Variants in AKAP6 observed in about 807,000 individuals in gnomAD.
AKAP6 encodes the protein A-kinase anchoring protein 6, also known as A-kinase anchor protein 6.
AKAP6 carries 58 observed loss-of-function variants against 188.5 expected under a neutral mutation model. The observed-to-expected ratio is 0.31, with a 90% CI of 0.25 to 0.38. The LOEUF (loss-of-function observed/expected upper bound fraction) is 0.38. AKAP6 is among the 10% of genes least tolerant of loss of function. The pLI is 1.00. For missense variants in AKAP6, 2,710 were observed against 2,740.0 expected (o/e 0.99, Z 0.24); for synonymous variants, 989 against 998.6 (o/e 0.99, Z 0.18).
In AKAP6 at chr14:32,568,653, G is replaced by A. The variant is rs566784273; in HGVS notation, c.2347-8467G>A. Among the ~76,000 whole-genome samples, 1 of 152,270 alleles carries A rather than the reference G, an allele frequency of 6.6e-6. No individual in the cohort carries two copies. Among genetic ancestry groups the A allele is most frequent in the Admixed American group, 6.5e-5 (1 of 15,294 alleles). On this transcript the variant is annotated intron_variant, in intron 4 of 13. Coordinates refer to ENST00000280979, the MANE Select transcript of AKAP6 (RefSeq NM_004274.5). The surrounding 1 kb of genome is among the most constrained non-coding windows in gnomAD (Gnocchi z 6.2). Reference sequence around the variant, plus strand: ...AGCAAGTCTGCCAAGCTTTGGGGCAGTCATACTACCTGAATGAGGGGTCCC... The same window carrying A: ...AGCAAGTCTGCCAAGCTTTGGGGCAATCATACTACCTGAATGAGGGGTCCC...
At chr14:32,408,296 T>G (rs1023093436) in intron 1 of AKAP6, among the ~76,000 whole-genome samples, 2 of 152,122 alleles carry the variant, frequency 1.3e-5, no homozygotes, top group African/African-American at 4.8e-5. Context: ...TTTTAATGAT[T>G]CTTCAAATGT....
At chr14:32,352,340 A>G (rs1887316717) in intron 1 of AKAP6, among the ~76,000 whole-genome samples, 1 of 151,624 alleles carries the variant, frequency 6.6e-6, no homozygotes, top group African/African-American at 2.4e-5. Context: ...CCGTACAAGT[A>G]TGTATTTTGT....
intron 11 of AKAP6, among the ~76,000 whole-genome samples, chr14:32,757,019 T>C (rs1006619540): frequency 6.6e-6 from 1 of 152,156 alleles, no homozygotes; most frequent in Admixed American, 6.5e-5. Context: ...TTGTAGGGGC[T>C]AGCCTGGTGC....
chr14:32,813,397 C>CG (rs1555365157), intron 12 of AKAP6, among the ~76,000 whole-genome samples: 15 of 123,746 alleles, frequency 1.2e-4, no homozygotes, highest in Non-Finnish European at 2.4e-4. Context: ...CTACCCCCCC[C>CG]CCCAACCCCT....
intron 11 of AKAP6, among the ~76,000 whole-genome samples, chr14:32,769,037 A>ATTCTTTTTTTTTTTTTTTTTTTTTT (rs2032806742): frequency 1.8e-5 from 1 of 56,926 alleles, no homozygotes; most frequent in Non-Finnish European, 2.9e-5. Flanking sequence ...TGCTCTTTTG[A>ATTCTTTTTTTTTTTTTTTTTTTTTT]TTTTTTTTTT....
chr14:32,677,889 T>A (rs1315320364), intron 7 of AKAP6, among the ~76,000 whole-genome samples: 1 of 152,236 alleles, frequency 6.6e-6, no homozygotes, highest in Non-Finnish European at 1.5e-5. Context: ...TTTTTTATTC[T>A]CCATAGGGAA....
intron 2 of AKAP6, among the ~76,000 whole-genome samples, chr14:32,435,271 T>C (rs1246917145): frequency 1.3e-5 from 2 of 152,166 alleles, no homozygotes; most frequent in Non-Finnish European, 2.9e-5. Context: ...CTGGAATCTT[T>C]CAGACTTACA....
chr14:32,583,428 C>T (rs1594761253), intron 5 of AKAP6, among the ~76,000 whole-genome samples: 2 of 152,190 alleles, frequency 1.3e-5, no homozygotes, highest in Non-Finnish European at 2.9e-5. Flanking sequence ...TTAGGCTGCT[C>T]GGGGGTCAGG....
At chr14:32,560,998 T>C in intron 4 of AKAP6, among the ~76,000 whole-genome samples, 1 of 152,186 alleles carries the variant, frequency 6.6e-6, no homozygotes, top group Non-Finnish European at 1.5e-5. Context: ...ATATTTTCAT[T>C]TTATAAATTA....
chr14:32,585,155 T>C (rs1885176217), intron 5 of AKAP6, among the ~76,000 whole-genome samples: 1 of 152,158 alleles, frequency 6.6e-6, no homozygotes, highest in South Asian at 2.1e-4. Flanking sequence ...CCTGAAATGG[T>C]AACTCTGATT....
intron 7 of AKAP6, among the ~76,000 whole-genome samples, chr14:32,673,408 A>G (rs944530043): frequency 6.6e-6 from 1 of 152,184 alleles, no homozygotes; most frequent in East Asian, 1.9e-4. Flanking sequence ...TTCTTGAGAT[A>G]TGAGAAAGTC....
At chr14:32,718,462 A>T (rs2030350592) in intron 9 of AKAP6, 1 of 284,568 alleles carries the variant, frequency 3.5e-6, no homozygotes, top group South Asian at 1.4e-4. Flanking sequence ...CCTGTAGCAT[A>T]CTGGTATCGG....
In AKAP6 at chr14:32,509,899, G is replaced by A. The variant is rs1881088963; in HGVS notation, c.325-25655G>A. On this transcript the variant is annotated intron_variant, in intron 2 of 13. Transcript: ENST00000280979. ...TTACGTTTGCCGTATGTTACTTGAC[G>A]CTCCTTCATTCCCGTTGAAGCTGCC... 2.6e-5 allele frequency among the ~76,000 whole-genome samples: 4 copies of A among 152,076 alleles called. No homozygotes were observed. In the South Asian group the frequency reaches 8.3e-4, roughly 32 times the overall value.
At chr14:32,665,506 G>A (rs962301074) in intron 7 of AKAP6, among the ~76,000 whole-genome samples, 12 of 152,252 alleles carry the variant, frequency 7.9e-5, no homozygotes, top group African/African-American at 2.4e-4. Flanking sequence ...CTTCCTGGGC[G>A]TGTCACCCTC....
chr14:32,546,424 A>C lies in AKAP6; in HGVS notation c.1771A>C (p.Ile591Leu). The C allele has an allele frequency of 6.2e-7, 1 of 1,614,202 alleles. No individual in the cohort carries two copies. ...TGAATCCTCTGTTGGCTCAGACAAC[A>C]TCATGTCTCCGGTGCCACTTCTTTC... Reference protein sequence around the residue: ...SSESSVGSDNIMSPVPLLSKH... With the variant: ...SSESSVGSDNLMSPVPLLSKH... Residue 591 changes from isoleucine to leucine, a missense_variant, in exon 4 of 14, where the codon ATC (isoleucine) becomes CTC (leucine). By Grantham distance (5) the Ile-to-Leu change is conservative. Transcript: ENST00000280979.
intron 12 of AKAP6, among the ~76,000 whole-genome samples, chr14:32,816,167 G>A (rs2034372037): frequency 6.6e-6 from 1 of 152,092 alleles, no homozygotes; most frequent in African/African-American, 2.4e-5. Flanking sequence ...GATGGAAGCA[G>A]CTGTTTGTCA....
At position 32,546,169 on chromosome 14, in the gene AKAP6, C is replaced by G. The variant is rs1883188307; in HGVS notation, c.1516C>G (p.Pro506Ala). 1 of 1,613,910 alleles carries G rather than the reference C, an allele frequency of 6.2e-7. No individual in the cohort carries two copies. The highest frequency in any genetic ancestry group is 1.1e-5 in the South Asian group (1 of 91,026). The change falls in exon 4 of 14, where the codon CCT becomes GCT. Residue 506 changes from proline (P) to alanine (A), a missense_variant. Physicochemically the swap from Pro to Ala is conservative, Grantham distance 27 (BLOSUM62 -1). Coordinates refer to ENST00000280979, the MANE Select transcript of AKAP6 (RefSeq NM_004274.5). The stretch of plus-strand genomic sequence containing the variant: ...GCCACACAAGACCTCAGAAGAGGTG[C>G]CTCCATGCCGAACACCTAAACGGGG... ...KKPHKTSEEV[P>A]PCRTPKRGTG...
At chr14:32,457,054 C>G (rs981265477) in intron 2 of AKAP6, among the ~76,000 whole-genome samples, 8 of 152,108 alleles carry the variant, frequency 5.3e-5, no homozygotes, top group African/African-American at 1.9e-4. Context: ...CACAAGGTAG[C>G]TAGCATCTCT....
intron 1 of AKAP6, among the ~76,000 whole-genome samples, chr14:32,371,467 C>A (rs746469987): frequency 1.3e-5 from 2 of 152,062 alleles, no homozygotes; most frequent in Non-Finnish European, 2.9e-5. Context: ...ATTAGCTGGG[C>A]GTGGGGGTGC....
Sources: gnomAD v4.1 joint callset for allele counts (sites outside exome capture counted in the v4.1 genomes callset) on GRCh38, gnomAD v4.1.1 for gene constraint, Gnocchi (gnomAD v3.1) non-coding constraint, MANE v1.5 for transcripts, NCBI Gene and HGNC (gene_info 2026-07-23, HGNC 2026-07-21) for gene names.